Variants in THG1L observed in about 807,000 individuals in gnomAD.
THG1L encodes the protein probable tRNA(His) guanylyltransferase.
Under a neutral mutation model 35.2 loss-of-function variants are expected in THG1L, and 27 were observed. The observed-to-expected ratio is 0.77, with a 90% CI of 0.57 to 1.06. The LOEUF (loss-of-function observed/expected upper bound fraction) is 1.06, where lower values mean the gene tolerates loss of function less well. Ranked by LOEUF, THG1L falls within the 50% of genes least tolerant of loss-of-function variation. The pLI, the probability that THG1L is intolerant of heterozygous loss-of-function variation, is 0.00. For synonymous variants in THG1L, 135 were observed against 132.4 expected (o/e 1.02, Z -0.14); for missense variants, 377 against 371.8 (o/e 1.01, Z -0.12).
At chr5:157,738,282 A>G (rs1480451418) in intron 5 of THG1L, among the ~76,000 whole-genome samples, 3 of 152,254 alleles carry the variant, frequency 2.0e-5, no homozygotes, top group Non-Finnish European at 4.4e-5. Flanking sequence ...AAAAGGATAC[A>G]GTACAGATAT....
At chr5:157,733,112 A>G (rs1561611347) in intron 2 of THG1L, 68 bp downstream of exon 2, 1 of 1,569,278 alleles carries the variant, frequency 6.4e-7, no homozygotes, top group East Asian at 2.2e-5. Flanking sequence ...TGTTTATCTT[A>G]ATCGCAGACT....
At chr5:157,736,192 G>A (rs937740587) in intron 4 of THG1L, among the ~76,000 whole-genome samples, 4 of 151,656 alleles carry the variant, frequency 2.6e-5, no homozygotes, top group South Asian at 2.1e-4. Context: ...GCATTCCCAC[G>A]TGCTAACACT....
rs1340219689 is a variant in THG1L, at chr5:157,739,516, A to G, written c.*34A>G. On this transcript the variant is annotated 3_prime_UTR_variant, in exon 6 of 6. Coordinates refer to ENST00000231198, the MANE Select transcript of THG1L (RefSeq NM_017872.5). ...CGCTTCAGTTCTGGTGTGCTTAACCATGCAAGCCCTCCCACCTCCCAGGGC... is the reference window on the plus strand; with the variant it reads ...CGCTTCAGTTCTGGTGTGCTTAACCGTGCAAGCCCTCCCACCTCCCAGGGC... The G allele has an allele frequency of 6.3e-7, 1 of 1,586,398 alleles. No individual in the cohort carries two copies.
rs753252523 is a variant in THG1L at position 157,732,936 on chromosome 5, C to T, written c.260C>T (p.Ala87Val). 3 of 1,614,176 alleles carry T rather than the reference C, an allele frequency of 1.9e-6. No homozygotes were observed. The highest frequency in any genetic ancestry group is 2.2e-5 in the East Asian group (1 of 44,880). Residue 87 changes from alanine (A) to valine (V), a missense_variant, in exon 2 of 6, where the codon GCG becomes GTG. By Grantham distance (64) the Ala-to-Val change is moderately conservative (BLOSUM62 0). Coordinates refer to ENST00000231198, the MANE Select transcript of THG1L (RefSeq NM_017872.5). ...SRALQLMTKC[A>V]QTVMEELEDI... ...GCTCTCCAGCTGATGACCAAATGTG[C>T]GCAGACTGTGATGGAAGAACTAGAG...
At chr5:157,736,427 T>C (rs567477955) in intron 4 of THG1L, among the ~76,000 whole-genome samples, 40 of 151,984 alleles carry the variant, frequency 2.6e-4, no homozygotes, top group Non-Finnish European at 5.3e-4. Context: ...TTTTTGTATT[T>C]TTAGTAGAGA....
intron 2 of THG1L, among the ~76,000 whole-genome samples, 160 bp from the exon 3 acceptor site, chr5:157,734,416 G>A (rs1396891877): frequency 6.6e-6 from 1 of 151,900 alleles, no homozygotes; most frequent in Admixed American, 6.6e-5. Flanking sequence ...ACAGAACCAA[G>A]GTATTAAAAT....
At chr5:157,734,800 G>A (rs1760829279) in intron 3 of THG1L, 55 bp downstream of exon 3, 5 of 1,600,534 alleles carry the variant, frequency 3.1e-6, no homozygotes, top group Non-Finnish European at 3.4e-6. Flanking sequence ...ATGTCTTACA[G>A]GTGTTGATCT....
chr5:157,733,828 C>G lies in THG1L; in HGVS notation c.369-748C>G, dbSNP rs75779509. On this transcript the variant is annotated intron_variant, in intron 2 of 5. Coordinates refer to ENST00000231198, the MANE Select transcript of THG1L (RefSeq NM_017872.5). ...CTCTACAAAAAATTTAAAAATTAGCCGGGCTCAGTGGCATGTGCCTATAGT... is the reference window on the plus strand; with the variant it reads ...CTCTACAAAAAATTTAAAAATTAGCGGGGCTCAGTGGCATGTGCCTATAGT... 5.6e-3 allele frequency among the ~76,000 whole-genome samples: 857 copies of G among 152,016 alleles called. 11 individuals carry two copies. The highest frequency in any genetic ancestry group is 0.02 in the African/African-American group (811 of 41,482).
intron 4 of THG1L, 136 bp from the exon 5 acceptor site, chr5:157,737,751 C>T: frequency 1.6e-6 from 1 of 624,428 alleles, no homozygotes; most frequent in Non-Finnish European, 2.7e-6. Context: ...TGAAAATTTA[C>T]TAATAACTAT....
chr5:157,734,767 CAT>C (rs1389545399), intron 3 of THG1L, 22 bp downstream of exon 3: 16 of 1,613,646 alleles, frequency 9.9e-6, no homozygotes, highest in Non-Finnish European at 1.2e-5. Flanking sequence ...CAAATAAACA[CAT>C]GTAGTTAAAC....
In THG1L at chr5:157,739,527, C is replaced by G; in HGVS notation, c.*45C>G. On this transcript the variant is annotated 3_prime_UTR_variant, in exon 6 of 6. Coordinates refer to ENST00000231198, the MANE Select transcript of THG1L (RefSeq NM_017872.5). ...TGGTGTGCTTAACCATGCAAGCCCT[C>G]CCACCTCCCAGGGCTCCTTGCCTTA... is the stretch of plus-strand genomic sequence containing the variant. The G allele has an allele frequency of 6.3e-7, 1 of 1,577,056 alleles. No homozygotes were observed. The highest frequency in any genetic ancestry group is 1.2e-5 in the South Asian group (1 of 85,492).
chr5:157,739,301 T>C lies in THG1L; in HGVS notation c.736-20T>C, dbSNP rs1455641676. 6.2e-7 allele frequency: 1 copy of C among 1,609,998 alleles called. No individual in the cohort carries two copies. The highest frequency in any genetic ancestry group is 8.5e-7 in the Non-Finnish European group (1 of 1,177,964). ...CCCACTCCTGACTTAACAATGTCAC[T>C]ACTTTATTTTTACCTGTAGGTGGAT... On this transcript the variant is annotated intron_variant, in intron 5 of 5. Coordinates refer to ENST00000231198, the MANE Select transcript of THG1L (RefSeq NM_017872.5).
intron 2 of THG1L, among the ~76,000 whole-genome samples, chr5:157,733,364 G>A (rs1209460264): frequency 2.0e-5 from 3 of 152,188 alleles, no homozygotes; most frequent in Non-Finnish European, 2.9e-5. Flanking sequence ...GCCAGTGATA[G>A]TCTCTACGTG....
At chr5:157,732,215 CAAAAAAAAAAAAAAAAAA>C (rs34744387) in intron 1 of THG1L, among the ~76,000 whole-genome samples, 1 of 53,892 alleles carries the variant, frequency 1.9e-5, no homozygotes, top group Non-Finnish European at 3.1e-5. Context: ...TCCGCCACTA[CAAAAAAAAAAAAAAAAAA>C]AAAAAAAAAA....
In THG1L at chr5:157,737,875, T is replaced by A. The variant is rs1299924151; in HGVS notation, c.628-12T>A. The A allele has an allele frequency of 6.2e-7, 1 of 1,605,682 alleles. No individual in the cohort carries two copies. The highest frequency in any genetic ancestry group is 8.5e-7 in the Non-Finnish European group (1 of 1,175,566). On this transcript the variant is annotated splice_polypyrimidine_tract_variant and intron_variant, in intron 4 of 5. Coordinates refer to ENST00000231198, the MANE Select transcript of THG1L (RefSeq NM_017872.5). ...CATGCAGAGCTTTTAATATCTATTTTTATTTTCTCAGGGAACTCTTGCAGC... is the reference window on the plus strand; with the variant it reads ...CATGCAGAGCTTTTAATATCTATTTATATTTTCTCAGGGAACTCTTGCAGC...
At position 157,732,851 on chromosome 5, in the gene THG1L, C is replaced by T; in HGVS notation, c.192-17C>T. 6.2e-7 allele frequency: 1 copy of T among 1,613,764 alleles called. No homozygotes were observed. The highest frequency in any genetic ancestry group is 8.5e-7 in the Non-Finnish European group (1 of 1,179,770). ...CAGGCTTCCATCCATGCTTTCTTCC[C>T]TTTTTCCCCTGTGAAGGTTTGCTGA... On this transcript the variant is annotated splice_polypyrimidine_tract_variant and intron_variant, in intron 1 of 5. Transcript: ENST00000231198.
intron 5 of THG1L, 61 bp from the exon 6 acceptor site, chr5:157,739,260 T>C: frequency 6.4e-7 from 1 of 1,553,222 alleles, no homozygotes; most frequent in Non-Finnish European, 8.7e-7. Flanking sequence ...CCCACATCTT[T>C]CCTTTCTCTC....
chr5:157,739,640 G>T lies in THG1L; in HGVS notation c.*158G>T. On this transcript the variant is annotated 3_prime_UTR_variant, in exon 6 of 6. Transcript: ENST00000231198. ...GGGAACAGGGAAGGAAGGGATGGAT[G>T]GGGGTGGTGTATCTTACTCTGTTTA... 5.0e-6 allele frequency: 4 copies of T among 798,280 alleles called. No homozygotes were observed. The highest frequency in any genetic ancestry group is 7.6e-6 in the Non-Finnish European group (4 of 528,204). 49.4% of individuals were successfully genotyped at this position (798,280 alleles called of 1,614,324 possible).
At position 157,732,886 on chromosome 5, in the gene THG1L, C is replaced by T. The variant is rs1301538559; in HGVS notation, c.210C>T (p.Asn70=). 6.2e-7 allele frequency: 1 copy of T among 1,614,052 alleles called. No individual in the cohort carries two copies. The highest frequency in any genetic ancestry group is 8.5e-7 in the Non-Finnish European group (1 of 1,180,038). ...RNFHRFAEKH[N]FAKPNDSRAL... Reference sequence around the variant, plus strand: ...TGTGAAGGTTTGCTGAGAAGCACAACTTTGCAAAACCCAATGACAGCCGTG... The same window carrying T: ...TGTGAAGGTTTGCTGAGAAGCACAATTTTGCAAAACCCAATGACAGCCGTG... The change falls in exon 2 of 6, where the codon AAC becomes AAT. Residue 70 remains asparagine, a synonymous_variant. Transcript: ENST00000231198.
Sources: gnomAD v4.1 joint callset for allele counts (sites outside exome capture counted in the v4.1 genomes callset) on GRCh38, gnomAD v4.1.1 for gene constraint, MANE v1.5 for transcripts, NCBI Gene and HGNC (gene_info 2026-07-23, HGNC 2026-07-21) for gene names.